Variants in DOK6 observed in about 807,000 individuals in gnomAD.
DOK6 encodes docking protein 6, also known as downstream of tyrosine kinase 6.
Under a neutral mutation model 44.0 loss-of-function variants are expected in DOK6, and 22 were observed. That is an observed-to-expected ratio of 0.50 (90% confidence interval 0.36 to 0.71). The LOEUF is 0.71. DOK6 is among the 30% of genes least tolerant of loss of function. The pLI, the probability that DOK6 is intolerant of heterozygous loss-of-function variation, is 0.00. For synonymous variants in DOK6, 166 were observed against 145.5 expected (o/e 1.14, Z -1.01); for missense variants, 340 against 416.4 (o/e 0.82, Z 1.60).
At chr18:69,766,697 T>C (rs1979727389) in intron 7 of DOK6, among the ~76,000 whole-genome samples, 1 of 152,070 alleles carries the variant, frequency 6.6e-6, no homozygotes, top group African/African-American at 2.4e-5. Flanking sequence ...GAGGCTGGTC[T>C]TGCTGTCTCA....
intron 7 of DOK6, among the ~76,000 whole-genome samples, chr18:69,840,132 G>A (rs1390609512): frequency 1.3e-5 from 2 of 152,186 alleles, no homozygotes; most frequent in African/African-American, 4.8e-5. Context: ...GGCTGAAAGC[G>A]AGTGACATTG....
At chr18:69,764,172 A>G (rs1979646774) in intron 7 of DOK6, among the ~76,000 whole-genome samples, 1 of 152,098 alleles carries the variant, frequency 6.6e-6, no homozygotes, top group Non-Finnish European at 1.5e-5. Flanking sequence ...ATGATGGCTC[A>G]AAATCCGTCT....
At chr18:69,763,632 T>G (rs1223351158) in intron 7 of DOK6, among the ~76,000 whole-genome samples, 1 of 151,958 alleles carries the variant, frequency 6.6e-6, no homozygotes, top group Non-Finnish European at 1.5e-5. Context: ...CAGGAAAGGG[T>G]AAAAAGAAAG....
intron 7 of DOK6, among the ~76,000 whole-genome samples, chr18:69,799,844 C>G (rs1236991954): frequency 6.6e-6 from 1 of 152,066 alleles, no homozygotes; most frequent in Non-Finnish European, 1.5e-5. Context: ...TCTCCAGTCT[C>G]AGATATCAGC....
At chr18:69,570,771 A>T (rs1206676199) in intron 2 of DOK6, among the ~76,000 whole-genome samples, 2 of 152,154 alleles carry the variant, frequency 1.3e-5, no homozygotes, top group African/African-American at 4.8e-5. Flanking sequence ...GATGACACAC[A>T]CACACAAAAA....
At chr18:69,517,123 A>G (rs566842392) in intron 1 of DOK6, among the ~76,000 whole-genome samples, 123 of 152,308 alleles carry the variant, frequency 8.1e-4, no homozygotes, top group Non-Finnish European at 1.5e-3. Context: ...ATATGAACTC[A>G]TAGGAGATTC....
At chr18:69,835,938 A>G (rs1298448967) in intron 7 of DOK6, among the ~76,000 whole-genome samples, 2 of 152,218 alleles carry the variant, frequency 1.3e-5, no homozygotes, top group Non-Finnish European at 2.9e-5. Context: ...CTGACTTTCT[A>G]CAAAAACAAT....
chr18:69,738,294 C>T (rs531197905), intron 5 of DOK6, among the ~76,000 whole-genome samples: 26 of 152,136 alleles, frequency 1.7e-4, no homozygotes, highest in South Asian at 6.2e-4. Context: ...CACAGAAATC[C>T]AATTAATATC....
chr18:69,727,932 A>G (rs1218439070), intron 5 of DOK6, among the ~76,000 whole-genome samples: 3 of 152,288 alleles, frequency 2.0e-5, no homozygotes, highest in African/African-American at 7.2e-5. Context: ...TTGATGTTTA[A>G]ACACACAAAA....
chr18:69,757,233 A>C (rs1357349857), intron 6 of DOK6, among the ~76,000 whole-genome samples: 1 of 152,192 alleles, frequency 6.6e-6, no homozygotes, highest in Non-Finnish European at 1.5e-5. Flanking sequence ...GAAAATATCC[A>C]TTGTGTAAGG....
At chr18:69,401,940 T>C (rs1424694901) in intron 1 of DOK6, among the ~76,000 whole-genome samples, 1 of 152,142 alleles carries the variant, frequency 6.6e-6, no homozygotes, top group East Asian at 1.9e-4. Flanking sequence ...ACGGCAAAGT[T>C]GATGGAGACC....
chr18:69,836,940 G>A (rs1445780674), intron 7 of DOK6, among the ~76,000 whole-genome samples: 1 of 152,200 alleles, frequency 6.6e-6, no homozygotes, highest in South Asian at 2.1e-4. Context: ...TTCATATATA[G>A]AGTACTGACT....
chr18:69,742,837 C>T (rs1204039251), intron 6 of DOK6, among the ~76,000 whole-genome samples: 2 of 152,180 alleles, frequency 1.3e-5, no homozygotes, highest in African/African-American at 4.8e-5. Context: ...TAAGACATCA[C>T]CATCATTGAA....
intron 7 of DOK6, among the ~76,000 whole-genome samples, chr18:69,774,391 C>A (rs1174305405): frequency 6.6e-6 from 1 of 151,478 alleles, no homozygotes; most frequent in African/African-American, 2.4e-5. Context: ...TAAAGGACTA[C>A]AAATTGGGTT....
chr18:69,750,072 T>A (rs1015774205), intron 6 of DOK6, among the ~76,000 whole-genome samples: 2 of 147,680 alleles, frequency 1.4e-5, no homozygotes, highest in African/African-American at 2.5e-5. Flanking sequence ...ATATATATAA[T>A]ATATATAAAA....
intron 3 of DOK6, among the ~76,000 whole-genome samples, chr18:69,631,222 G>T (rs1295534150): frequency 2.0e-5 from 3 of 152,110 alleles, no homozygotes; most frequent in Admixed American, 6.5e-5. Flanking sequence ...AGACATATTT[G>T]CTAATTGTCT....
intron 1 of DOK6, among the ~76,000 whole-genome samples, chr18:69,425,553 G>A (rs1305434471): frequency 1.3e-5 from 2 of 151,584 alleles, no homozygotes; most frequent in Non-Finnish European, 2.9e-5. Flanking sequence ...TGTATTAACT[G>A]GAAATTTGAA....
intron 1 of DOK6, among the ~76,000 whole-genome samples, chr18:69,537,764 C>T (rs1442454194): frequency 6.6e-6 from 1 of 152,142 alleles, no homozygotes; most frequent in Non-Finnish European, 1.5e-5. Flanking sequence ...TCAATAGGTA[C>T]CTGGCCAAAA....
At chr18:69,816,435 C>A (rs1195886703) in intron 7 of DOK6, among the ~76,000 whole-genome samples, 2 of 152,180 alleles carry the variant, frequency 1.3e-5, no homozygotes, top group African/African-American at 4.8e-5. Context: ...TCCCTATGAG[C>A]AAATTAGTGA....
Sources: gnomAD v4.1 joint callset for allele counts (sites outside exome capture counted in the v4.1 genomes callset) on GRCh38, gnomAD v4.1.1 for gene constraint, MANE v1.5 for transcripts, NCBI Gene and HGNC (gene_info 2026-07-23, HGNC 2026-07-21) for gene names.